SYTL1: variants seen among roughly 807,000 people sequenced by gnomAD.
SYTL1 encodes the protein synaptotagmin-like protein 1.
SYTL1 carries 53 observed loss-of-function variants against 74.6 expected under a neutral mutation model. That is an observed-to-expected ratio of 0.71 (90% CI 0.57 to 0.89). SYTL1 has a LOEUF of 0.89. Among genes scored for constraint, SYTL1 ranks in the 40% least tolerant of loss-of-function variants. The pLI, the probability that SYTL1 is intolerant of heterozygous loss-of-function variation, is 0.00. For synonymous variants in SYTL1, 329 were observed against 324.9 expected (o/e 1.01, Z -0.14); for missense variants, 728 against 768.7 (o/e 0.95, Z 0.63).
Position 27,350,561 on chromosome 1 carries a change from C to A in SYTL1, c.1005+76C>A. 3 of 1,297,150 alleles carry A rather than the reference C, an allele frequency of 2.3e-6. No individual in the cohort carries two copies. The highest frequency in any genetic ancestry group is 1.3e-5 in the South Asian group (1 of 78,804). The allele number at this position is 1,297,150 out of a possible 1,614,324, so 80.4% of individuals were successfully genotyped here. A position where few individuals can be genotyped will look rare whatever the true frequency, so the allele number is the denominator to read the frequency against. ...TTCCTGCGGGGCTAGGTGGCAAGGG[C>A]AGCCAGTAACGTCATTGCCCGGAGG... On this transcript the variant is annotated intron_variant, in intron 10 of 14. Transcript: ENST00000616558. The surrounding 1 kb of genome is among the most constrained non-coding windows in gnomAD (Gnocchi z 6.3).
At chr1:27,346,451 GGAGT>G (rs2148030627) in intron 2 of SYTL1, among the ~76,000 whole-genome samples, 1 of 152,292 alleles carries the variant, frequency 6.6e-6, no homozygotes, top group South Asian at 2.1e-4. Context: ...ATGGGGCTAA[GGAGT>G]CCTACTTCAC....
At position 27,348,491 on chromosome 1, in the gene SYTL1, T is replaced by C. The variant is rs1250086443; in HGVS notation, c.459+479T>C. ...AGCACTTTGGGAAGCCGAGATCACC[T>C]GAGGTCAGGAGCTCAAGACCAGCCT... On this transcript the variant is annotated intron_variant, in intron 5 of 14. Coordinates refer to ENST00000616558, the MANE Select transcript of SYTL1 (RefSeq NM_001193308.2). This position sits in a 1 kb window ranked among gnomAD's most constrained non-coding sequence, Gnocchi z 4.1. 6.6e-6 allele frequency among the ~76,000 whole-genome samples: 1 copy of C among 152,020 alleles called. No individual in the cohort carries two copies. The highest frequency in any genetic ancestry group is 1.5e-5 in the Non-Finnish European group (1 of 68,012).
In SYTL1 at chr1:27,350,873, T is replaced by C; in HGVS notation, c.1085T>C (p.Ile362Thr). The C allele has an allele frequency of 6.2e-7, 1 of 1,613,794 alleles. No homozygotes were observed. The highest frequency in any genetic ancestry group is 8.5e-7 in the Non-Finnish European group (1 of 1,180,006). ...VWHRESLGRN[I>T]FLGEVEVPLD... ...CACCGCGAAAGCCTGGGTCGCAACA[T>C]CTTTCTGGGCGAAGTTGAAGTGCCC... The change falls in exon 11 of 15, where the codon ATC becomes ACC. Residue 362 changes from isoleucine (I) to threonine (T), a missense_variant. Physicochemically the swap from Ile to Thr is moderately conservative, Grantham distance 89. Transcript: ENST00000616558. This position sits in a 1 kb window ranked among gnomAD's most constrained non-coding sequence, Gnocchi z 6.3.
chr1:27,353,667 G>A (rs761035283), intron 14 of SYTL1, 46 bp from the exon 15 acceptor site: 1 of 1,593,280 alleles, frequency 6.3e-7, no homozygotes, highest in East Asian at 2.2e-5. Flanking sequence ...GGGCCCCAAG[G>A]TGTCCAGTGT....
rs1171697042 is a variant in SYTL1 at position 27,351,525 on chromosome 1, G to A, written c.1313G>A (p.Arg438Gln). The change falls in exon 13 of 15, where the codon CGG (arginine) becomes CAG (glutamine). Residue 438 changes from arginine (R) to glutamine (Q), a missense_variant. Arg to Gln is a conservative substitution (Grantham distance 43). Coordinates refer to ENST00000616558, the MANE Select transcript of SYTL1 (RefSeq NM_001193308.2). The surrounding 1 kb of genome is among the most constrained non-coding windows in gnomAD (Gnocchi z 5.0). Reference sequence around the variant, plus strand: ...GAGGCTCGGGACCTCCTGCCGCTGCGGGCAGGATCCCTGGACACTTACGTA... The same window carrying A: ...GAGGCTCGGGACCTCCTGCCGCTGCAGGCAGGATCCCTGGACACTTACGTA... ...VKEARDLLPL[R>Q]AGSLDTYVQC... is the part of the protein sequence containing the mutation. The A allele has an allele frequency of 7.1e-6, 11 of 1,548,000 alleles. No homozygotes were observed. The highest frequency in any genetic ancestry group is 2.0e-5 in the Admixed American group (1 of 50,592).
In SYTL1 at chr1:27,351,701, G is replaced by C. The variant is rs890329646; in HGVS notation, c.1343+146G>C. ...GGTGAAGGGGACGGTTTGAGCAAAG[G>C]CCTGGAGTCAGGGAAGTTGAGGACA... On this transcript the variant is annotated intron_variant, in intron 13 of 14. Transcript: ENST00000616558. This position sits in a 1 kb window ranked among gnomAD's most constrained non-coding sequence, Gnocchi z 5.0. The C allele has an allele frequency of 1.0e-5, 6 of 571,596 alleles. No homozygotes were observed. The highest frequency in any genetic ancestry group is 1.8e-5 in the Non-Finnish European group (6 of 330,878). 35.4% of individuals were successfully genotyped at this position (571,596 alleles called of 1,614,324 possible).
Position 27,349,073 on chromosome 1 carries a change from C to T in SYTL1, c.460-7C>T, listed in dbSNP as rs1220226558. 6.2e-7 allele frequency: 1 copy of T among 1,611,594 alleles called. No homozygotes were observed. The highest frequency in any genetic ancestry group is 8.5e-7 in the Non-Finnish European group (1 of 1,177,764). ...GTACTGTGACCTCTACCCCTTTCTT[C>T]CTTCAGGGACCTGATTTCCCATCGC... On this transcript the variant is annotated splice_polypyrimidine_tract_variant and splice_region_variant and intron_variant, in intron 5 of 14. Transcript: ENST00000616558.
chr1:27,349,980 C>T lies in SYTL1; in HGVS notation c.756C>T (p.Gly252=), dbSNP rs768822884. The T allele has an allele frequency of 2.0e-5, 32 of 1,573,202 alleles. No individual in the cohort carries two copies. The highest frequency in any genetic ancestry group is 8.0e-5 in the South Asian group (7 of 87,366). Residue 252 remains glycine (G), a synonymous_variant, in exon 9 of 15, where the codon GGC becomes GGT. Coordinates refer to ENST00000616558, the MANE Select transcript of SYTL1 (RefSeq NM_001193308.2). ...VSSLNSSTLS[G]SQMSLSGDAE... ...CCCACTCCCGTCCGCAGCTGAGCGGCAGCCAGATGAGCCTGTCAGGCGACG... is the reference window on the plus strand; with the variant it reads ...CCCACTCCCGTCCGCAGCTGAGCGGTAGCCAGATGAGCCTGTCAGGCGACG...
At chr1:27,349,819 C>T in intron 8 of SYTL1, 54 bp downstream of exon 8, 1 of 1,547,582 alleles carries the variant, frequency 6.5e-7, no homozygotes, top group Non-Finnish European at 8.7e-7. Context: ...CGTTCCGATG[C>T]GTAGCCCCTG....
rs1172138085 is a variant in SYTL1 at position 27,345,855 on chromosome 1, C to T, written c.191+330C>T. Among the ~76,000 whole-genome samples, 1 of 152,014 alleles carries T rather than the reference C, an allele frequency of 6.6e-6. No homozygotes were observed. The highest frequency in any genetic ancestry group is 6.6e-5 in the Admixed American group (1 of 15,262). On this transcript the variant is annotated intron_variant, in intron 2 of 14. Coordinates refer to ENST00000616558, the MANE Select transcript of SYTL1 (RefSeq NM_001193308.2). The surrounding 1 kb of genome is among the most constrained non-coding windows in gnomAD (Gnocchi z 6.0). ...AGTGAAGTGGCACAATCTTGGCTCACTGCAACCTCCACCCCTCCGGGTTCA... is the reference window on the plus strand; with the variant it reads ...AGTGAAGTGGCACAATCTTGGCTCATTGCAACCTCCACCCCTCCGGGTTCA...
At position 27,350,270 on chromosome 1, in the gene SYTL1, C is replaced by T; in HGVS notation, c.909-119C>T. 6.7e-7 allele frequency: 1 copy of T among 1,484,196 alleles called. No homozygotes were observed. The highest frequency in any genetic ancestry group is 9.4e-7 in the Non-Finnish European group (1 of 1,064,860). The allele number at this position is 1,484,196 out of a possible 1,614,324, so 91.9% of individuals were successfully genotyped here. Reference sequence around the variant, plus strand: ...AGGCGTGCGATTAAGCGAGACAATCCCTGTAAAGCGCTTAGCACGAGGCCT... The same window carrying T: ...AGGCGTGCGATTAAGCGAGACAATCTCTGTAAAGCGCTTAGCACGAGGCCT... On this transcript the variant is annotated intron_variant, in intron 9 of 14. Transcript: ENST00000616558. The surrounding 1 kb of genome is among the most constrained non-coding windows in gnomAD (Gnocchi z 6.3).
rs1399753416 is a variant in SYTL1 at position 27,349,149 on chromosome 1, G to C, written c.529G>C (p.Glu177Gln). The C allele has an allele frequency of 6.2e-7, 1 of 1,613,720 alleles. No homozygotes were observed. Among genetic ancestry groups the C allele is most frequent in the South Asian group, 1.1e-5 (1 of 91,074 alleles). Residue 177 changes from glutamate (E) to glutamine (Q), a missense_variant, in exon 6 of 15, where the codon GAA becomes CAA. Transcript: ENST00000616558. ...SDPEEASQAQ[E>Q]DPGQGDQQVC... ...TCCTGAGGAGGCGTCCCAGGCCCAG[G>C]AAGGTGAGTGGGAGCGCCTGTTGGG...
At position 27,353,859 on chromosome 1, in the gene SYTL1, C is replaced by G. The variant is rs775957415; in HGVS notation, c.*7C>G. 6.2e-7 allele frequency: 1 copy of G among 1,610,810 alleles called. No individual in the cohort carries two copies. The highest frequency in any genetic ancestry group is 8.5e-7 in the Non-Finnish European group (1 of 1,177,726). On this transcript the variant is annotated 3_prime_UTR_variant, in exon 15 of 15. Transcript: ENST00000616558. ...CCTGGCCCCCAGGACGTAGCCCCAC[C>G]AAGCCTCTCTCTCTGGACCCCCATC...
chr1:27,349,539 C>T, intron 7 of SYTL1, 41 bp downstream of exon 7: 1 of 1,433,578 alleles, frequency 7.0e-7, no homozygotes, highest in Non-Finnish European at 9.2e-7. Context: ...ACATCCGGAG[C>T]GGACTCCGGG....
At chr1:27,353,188 G>A (rs1557548144) in intron 13 of SYTL1, 95 bp from the exon 14 acceptor site, 2 of 1,287,524 alleles carry the variant, frequency 1.6e-6, no homozygotes, top group East Asian at 2.5e-5. Flanking sequence ...CAGGGGACAT[G>A]GACATATGTG....
At position 27,353,265 on chromosome 1, in the gene SYTL1, A is replaced by G. The variant is rs1571050895; in HGVS notation, c.1344-18A>G. The G allele has an allele frequency of 6.4e-7, 1 of 1,571,608 alleles. No individual in the cohort carries two copies. Among genetic ancestry groups the G allele is most frequent in the Non-Finnish European group, 8.6e-7 (1 of 1,158,264 alleles). On this transcript the variant is annotated intron_variant, in intron 13 of 14. Transcript: ENST00000616558. The stretch of plus-strand genomic sequence containing the variant: ...AGTGTGAGGGGGGTCACCTGATGCC[A>G]GGCCACCTCCCGCACAGCTTCGTGC...
At chr1:27,344,516 C>T (rs924344690) in intron 1 of SYTL1, among the ~76,000 whole-genome samples, 1 of 148,718 alleles carries the variant, frequency 6.7e-6, no homozygotes, top group Non-Finnish European at 1.5e-5. Context: ...GTTGGGATTA[C>T]AGGCGTGAGC....
rs1209937671 is a variant in SYTL1 at position 27,353,872 on chromosome 1, C to T, written c.*20C>T. 2 of 1,606,110 alleles carry T rather than the reference C, an allele frequency of 1.2e-6. No homozygotes were observed. The highest frequency in any genetic ancestry group is 1.7e-6 in the Non-Finnish European group (2 of 1,174,154). On this transcript the variant is annotated 3_prime_UTR_variant, in exon 15 of 15. Coordinates refer to ENST00000616558, the MANE Select transcript of SYTL1 (RefSeq NM_001193308.2). ...ACGTAGCCCCACCAAGCCTCTCTCTCTGGACCCCCATCTCAGGGCCTGCCC... is the reference window on the plus strand; with the variant it reads ...ACGTAGCCCCACCAAGCCTCTCTCTTTGGACCCCCATCTCAGGGCCTGCCC...
At position 27,349,465 on chromosome 1, in the gene SYTL1, G is replaced by T; in HGVS notation, c.600G>T (p.Gly200=). The T allele has an allele frequency of 1.4e-6, 2 of 1,454,212 alleles. No individual in the cohort carries two copies. The highest frequency in any genetic ancestry group is 1.8e-6 in the Non-Finnish European group (2 of 1,102,728). The allele number at this position is 1,454,212 out of a possible 1,614,324, so 90.1% of individuals were successfully genotyped here. A position where few individuals can be genotyped will look rare whatever the true frequency, so the allele number is the denominator to read the frequency against. ...ACCCGGAGCTGGAGCCCGCGTCGGG[G>T]GGAGAGCAGGAGCCGCGGCCCCAGC... ...EADPELEPAS[G]GEQEPRPQQA... Residue 200 remains glycine (G), a synonymous_variant, in exon 7 of 15, where the codon GGG becomes GGT. Transcript: ENST00000616558.
Sources: gnomAD v4.1 joint callset for allele counts (sites outside exome capture counted in the v4.1 genomes callset) on GRCh38, gnomAD v4.1.1 for gene constraint, Gnocchi (gnomAD v3.1) non-coding constraint, MANE v1.5 for transcripts, NCBI Gene and HGNC (gene_info 2026-07-23, HGNC 2026-07-21) for gene names.